The following SPATA1 variants were observed in gnomAD, a reference collection of about 807,000 sequenced individuals.
SPATA1 encodes spermatogenesis-associated protein 1.
A neutral mutation model predicts 59.6 loss-of-function variants in SPATA1; 57 were observed. The observed-to-expected ratio is 0.96, with a 90% CI of 0.77 to 1.19. The LOEUF is 1.19. Among genes scored for constraint, SPATA1 ranks in the 50% most tolerant of loss-of-function variants. The pLI, the probability that SPATA1 is intolerant of heterozygous loss-of-function variation, is 0.00. For missense variants in SPATA1, 448 were observed against 480.7 expected (o/e 0.93, Z 0.64); for synonymous variants, 147 against 163.9 (o/e 0.90, Z 0.79).
intron 1 of SPATA1, among the ~76,000 whole-genome samples, chr1:84,511,683 T>TC (rs1682564678): frequency 6.9e-6 from 1 of 144,264 alleles, no homozygotes; most frequent in Admixed American, 6.8e-5. Context: ...TTCTTTCTTT[T>TC]TTTTTTTTTT....
At chr1:84,526,183 T>A in intron 6 of SPATA1, 110 bp downstream of exon 6, 2 of 859,760 alleles carry the variant, frequency 2.3e-6, no homozygotes, top group Non-Finnish European at 3.4e-6. Context: ...ATAGGCAGTT[T>A]AAAAAGAAAG....
intron 4 of SPATA1, among the ~76,000 whole-genome samples, chr1:84,561,964 G>T (rs987638890): frequency 6.6e-6 from 1 of 152,088 alleles, no homozygotes; most frequent in Non-Finnish European, 1.5e-5. Flanking sequence ...TATTGTGGTG[G>T]TCTAGAACTG....
intron 4 of SPATA1, chr1:84,563,480 C>T: frequency 8.7e-7 from 1 of 1,144,804 alleles, no homozygotes; most frequent in South Asian, 2.6e-5. Flanking sequence ...AAAGCCAAAC[C>T]AAAAATATAT....
At chr1:84,550,460 T>G (rs1176847648) in exon 12 of SPATA1, 1 of 1,563,694 alleles carries the variant, frequency 6.4e-7, no homozygotes, top group Admixed American at 1.8e-5. Context: ...ATCACTGAGG[T>G]ACAGCATGCA....
chr1:84,552,944 C>A, intron 12 of SPATA1: 2 of 767,504 alleles, frequency 2.6e-6, no homozygotes, highest in Non-Finnish European at 2.1e-6. Context: ...ACAGTTAAAG[C>A]GGTTACAAAA....
chr1:84,507,598 T>G (rs1396239232), intron 1 of SPATA1, among the ~76,000 whole-genome samples: 1 of 152,268 alleles, frequency 6.6e-6, no homozygotes, highest in Non-Finnish European at 1.5e-5. Context: ...AAAGGTATTG[T>G]AATTATTTCA....
At chr1:84,532,724 T>C (rs867986052) in intron 6 of SPATA1, 136 bp from the exon 7 acceptor site, 36 of 565,940 alleles carry the variant, frequency 6.4e-5, no homozygotes, top group Middle Eastern at 9.2e-4. Context: ...TATTGACTTA[T>C]ATCTATATAG....
At chr1:84,513,150 G>A (rs753368040) in intron 1 of SPATA1, among the ~76,000 whole-genome samples, 5 of 152,040 alleles carry the variant, frequency 3.3e-5, no homozygotes, top group African/African-American at 4.8e-5. Flanking sequence ...ACAGAGTTTC[G>A]CTCTTGTTGC....
chr1:84,559,043 C>T (rs944829397), downstream of SPATA1, among the ~76,000 whole-genome samples: 3 of 152,162 alleles, frequency 2.0e-5, no homozygotes, highest in South Asian at 2.1e-4. Context: ...TTTTAAATTA[C>T]AGGCATACCT....
intron 6 of SPATA1, among the ~76,000 whole-genome samples, chr1:84,528,249 G>A (rs1570416191): frequency 6.6e-6 from 1 of 152,100 alleles, no homozygotes; most frequent in East Asian, 1.9e-4. Context: ...CTGTTATTAG[G>A]TGCATGCACA....
At chr1:84,564,916 G>A (rs940125422) in intron 4 of SPATA1, among the ~76,000 whole-genome samples, 3 of 152,120 alleles carry the variant, frequency 2.0e-5, no homozygotes, top group African/African-American at 7.2e-5. Flanking sequence ...GTGCATGCCT[G>A]TATACCCAGC....
chr1:84,540,637 A>G (rs1570440404), intron 8 of SPATA1, among the ~76,000 whole-genome samples: 1 of 152,330 alleles, frequency 6.6e-6, no homozygotes, highest in East Asian at 1.9e-4. Context: ...ATAATTAAAT[A>G]TGTTCAACAC....
At chr1:84,545,933 C>T (rs1240666175) in intron 10 of SPATA1, among the ~76,000 whole-genome samples, 174 bp downstream of exon 10, 1 of 151,676 alleles carries the variant, frequency 6.6e-6, no homozygotes, top group African/African-American at 2.4e-5. Context: ...TGCAACTCTA[C>T]TTTATAGAAT....
chr1:84,525,620 C>CA (rs972706950), intron 4 of SPATA1, 76 bp from the exon 5 acceptor site: 35 of 1,298,400 alleles, frequency 2.7e-5, no homozygotes, highest in Admixed American at 2.4e-4. Flanking sequence ...ATGCCTTCTG[C>CA]AAAAAAAGTA....
rs1442366529 is a variant in SPATA1, at chr1:84,532,848, C to T, written c.545-12C>T. The T allele has an allele frequency of 5.2e-6, 8 of 1,527,304 alleles. No individual in the cohort carries two copies. The highest frequency in any genetic ancestry group is 7.1e-6 in the Non-Finnish European group (8 of 1,125,478). The allele number at this position is 1,527,304 out of a possible 1,614,324, so 94.6% of individuals were successfully genotyped here. A position where few individuals can be genotyped will look rare whatever the true frequency, so the allele number is the denominator to read the frequency against. ...CTGAACTTTATTTGCTGTGGATGAC[C>T]ATCAACATCAGCTGGGGGAAAAGCC... is the stretch of plus-strand genomic sequence containing the variant. On this transcript the variant is annotated splice_polypyrimidine_tract_variant and intron_variant, in intron 6 of 12. Coordinates refer to ENST00000490879, the Ensembl canonical transcript of SPATA1.
rs1435755186 is a variant in SPATA1, at chr1:84,511,513, C to T, written c.-137-4710C>T. 2.0e-5 allele frequency among the ~76,000 whole-genome samples: 3 copies of T among 151,808 alleles called. No individual in the cohort carries two copies. In the East Asian group the frequency reaches 5.8e-4, roughly 29 times the overall value. On this transcript the variant is annotated intron_variant, in intron 1 of 12. Transcript: ENST00000490879. ...TCAATTGGCTCTAGAAGTCTAACTA[C>T]TATAAATGTTTGTGGATTCTGGAGT...
chr1:84,528,947 C>T (rs1683345891), intron 6 of SPATA1, among the ~76,000 whole-genome samples: 1 of 152,038 alleles, frequency 6.6e-6, no homozygotes, highest in Admixed American at 6.6e-5. Flanking sequence ...CCAGTTATCC[C>T]AAAATATCAT....
chr1:84,544,928 C>T (rs956064788), intron 9 of SPATA1, among the ~76,000 whole-genome samples: 1 of 151,478 alleles, frequency 6.6e-6, no homozygotes. Context: ...AATATATATT[C>T]TGGCCAAGCA....
intron 12 of SPATA1, chr1:84,551,170 CAGA>C (rs1684259763): frequency 1.0e-6 from 1 of 985,056 alleles, no homozygotes; most frequent in Non-Finnish European, 1.2e-6. Flanking sequence ...GAACAGAAAA[CAGA>C]AGATTATACA....
Sources: allele counts gnomAD v4.1 joint callset (sites outside exome capture counted in the v4.1 genomes callset), GRCh38; gene constraint gnomAD v4.1.1; transcripts MANE v1.5; gene names NCBI Gene and HGNC (gene_info 2026-07-23, HGNC 2026-07-21).